LPP: variants seen among roughly 807,000 people sequenced by gnomAD.
LPP encodes the protein LIM domain containing preferred translocation partner in lipoma.
A neutral mutation model predicts 60.4 loss-of-function variants in LPP; 38 were observed. That is an observed-to-expected ratio of 0.63 (90% confidence interval 0.49 to 0.83). The LOEUF is 0.83. Among genes scored for constraint, LPP ranks in the 40% least tolerant of loss-of-function variants. The probability of loss-of-function intolerance (pLI) is 0.00; values close to 1 mark genes in which losing one functional copy is unlikely to be tolerated. For synonymous variants in LPP, 328 were observed against 290.8 expected, an observed-to-expected ratio of 1.13 and a Z score of -1.30; for missense variants, 902 against 783.6, an observed-to-expected ratio of 1.15 and a Z score of -1.80.
At position 188,884,998 on chromosome 3, in the gene LPP, G is replaced by A; in HGVS notation, c.*10519G>A. On this transcript the variant is annotated 3_prime_UTR_variant, in exon 12 of 12. Coordinates refer to ENST00000617246, the MANE Select transcript of LPP (RefSeq NM_001375462.1). ...ATAATTACAAGGAATTTGGTACCATGTTGTTTTCAAAAAACCTCCTAGAAA... is the reference window on the plus strand; with the variant it reads ...ATAATTACAAGGAATTTGGTACCATATTGTTTTCAAAAAACCTCCTAGAAA... 1 of 213,610 alleles carries A rather than the reference G, an allele frequency of 4.7e-6. No homozygotes were observed. Among genetic ancestry groups the A allele is most frequent in the Non-Finnish European group, 9.5e-6 (1 of 105,536 alleles). The allele number at this position is 213,610 out of a possible 1,614,324, so 13.2% of individuals were successfully genotyped here.
Position 188,854,403 on chromosome 3 carries a change from C to T in LPP, c.1411-11797C>T, listed in dbSNP as rs1042705793. Among the ~76,000 whole-genome samples, 5 of 152,312 alleles carry T rather than the reference C, an allele frequency of 3.3e-5. No individual in the cohort carries two copies. The South Asian group carries it at 8.3e-4, about 25-fold the overall frequency. ...TGAGGTTTAATTCTCATGAATGGGT[C>T]CTAGAGCCGACATTTGACATACACA... On this transcript the variant is annotated intron_variant, in intron 9 of 11. Transcript: ENST00000617246.
At chr3:188,472,573 A>G (rs2149535010) in intron 4 of LPP, 1 of 152,306 alleles carries the variant, frequency 6.6e-6, no homozygotes, top group Admixed American at 6.5e-5. Context: ...CTCAGTGAGA[A>G]GAATTTGAAG....
chr3:188,304,965 A>G (rs1434035117), intron 2 of LPP, among the ~76,000 whole-genome samples: 1 of 152,210 alleles, frequency 6.6e-6, no homozygotes, highest in Non-Finnish European at 1.5e-5. Context: ...AAATATTTTA[A>G]TTGACCACTT....
At position 188,812,870 on chromosome 3, in the gene LPP, C is replaced by T. The variant is rs779432677; in HGVS notation, c.1410+52588C>T. 9.6e-4 allele frequency among the ~76,000 whole-genome samples: 146 copies of T among 151,646 alleles called. 2 individuals are homozygous for T. The Middle Eastern group carries it at 0.017, about 18-fold the overall frequency. On this transcript the variant is annotated intron_variant, in intron 9 of 11. Transcript: ENST00000617246. ...CTCCAAACATCTAACATTCTGGGTACGGGTTTGATTTGGGGAAAAAATTAC... is the reference window on the plus strand; with the variant it reads ...CTCCAAACATCTAACATTCTGGGTATGGGTTTGATTTGGGGAAAAAATTAC...
chr3:188,382,504 C>T (rs76892667), intron 3 of LPP, among the ~76,000 whole-genome samples: 6,967 of 152,252 alleles, frequency 0.046, 529 homozygotes, highest in African/African-American at 0.16. Flanking sequence ...TGTGATGGCT[C>T]TTTAAAAAGA....
rs180796294 is a variant in LPP at position 188,658,440 on chromosome 3, G to A, written c.1113+48596G>A. Among the ~76,000 whole-genome samples the A allele has an allele frequency of 1.3e-4, 20 of 152,026 alleles. No individual in the cohort carries two copies. In the East Asian group the frequency reaches 3.3e-3, roughly 25 times the overall value. ...TATTTTTTAAATTAAACTAATACAT[G>A]CAACTGGCTTAACAAACTAATAGGA... On this transcript the variant is annotated intron_variant, in intron 7 of 11. Coordinates refer to ENST00000617246, the MANE Select transcript of LPP (RefSeq NM_001375462.1).
rs779293344 is a variant in LPP at position 188,352,232 on chromosome 3, A to G, written c.-10+10513A>G. 6.6e-6 allele frequency among the ~76,000 whole-genome samples: 1 copy of G among 152,170 alleles called. No homozygotes were observed. The highest frequency in any genetic ancestry group is 1.5e-5 in the Non-Finnish European group (1 of 68,044). ...AAATACACAATAAAAATAGCTTATG[A>G]TCTATGGGACTTGGTATTAAGCAAG... On this transcript the variant is annotated intron_variant, in intron 3 of 11. Transcript: ENST00000617246. This position sits in a 1 kb window ranked among gnomAD's most constrained non-coding sequence, Gnocchi z 4.4.
intron 3 of LPP, among the ~76,000 whole-genome samples, chr3:188,378,748 GA>G (rs899790076): frequency 1.3e-5 from 2 of 152,168 alleles, no homozygotes; most frequent in African/African-American, 4.8e-5. Context: ...ACTCCCCAGT[GA>G]GATGAACCCG....
chr3:188,760,345 C>A, intron 9 of LPP, 63 bp downstream of exon 9: 2 of 1,539,976 alleles, frequency 1.3e-6, no homozygotes, highest in South Asian at 1.1e-5. Flanking sequence ...GAATGCCAGT[C>A]ACTCTAGATA....
chr3:188,407,797 T>TTTTTTTTTTG (rs1784000498), intron 4 of LPP, among the ~76,000 whole-genome samples: 1 of 132,936 alleles, frequency 7.5e-6, no homozygotes, highest in African/African-American at 2.7e-5. Flanking sequence ...TGTTTTTTTT[T>TTTTTTTTTTG]TTTTTTTTTT....
chr3:188,177,209 G>A (rs1258109768), intron 1 of LPP, among the ~76,000 whole-genome samples: 1 of 152,220 alleles, frequency 6.6e-6, no homozygotes, highest in Non-Finnish European at 1.5e-5. Flanking sequence ...AGCCCAGCGA[G>A]GGGATCGCCT....
intron 2 of LPP, among the ~76,000 whole-genome samples, chr3:188,234,105 T>A (rs551519833): frequency 6.6e-6 from 1 of 152,274 alleles, no homozygotes; most frequent in African/African-American, 2.4e-5. Context: ...TAGAAACCCG[T>A]TATCTGTACT....
At chr3:188,288,832 C>A (rs6774458) in intron 2 of LPP, among the ~76,000 whole-genome samples, 1 of 30,146 alleles carries the variant, frequency 3.3e-5, no homozygotes, top group African/African-American at 1.3e-4. Flanking sequence ...CCCACCCCCA[C>A]CCCCCCGCCC....
intron 8 of LPP, among the ~76,000 whole-genome samples, chr3:188,727,597 C>G (rs2889906): frequency 0.43 from 65,386 of 152,004 alleles, 14,861 homozygotes; most frequent in East Asian, 0.72. Flanking sequence ...AAATAGAACC[C>G]TAACCTTGAA....
intron 1 of LPP, among the ~76,000 whole-genome samples, chr3:188,192,745 G>T (rs1728513252): frequency 6.6e-6 from 1 of 152,170 alleles, no homozygotes; most frequent in South Asian, 2.1e-4. Context: ...CTGGGAATTT[G>T]CAGTGAGTGA....
chr3:188,760,435 T>TGTGTGTGTGTGTGTGTGTGC (rs777127864), intron 9 of LPP, among the ~76,000 whole-genome samples, 153 bp downstream of exon 9: 63 of 151,194 alleles, frequency 4.2e-4, no homozygotes, highest in African/African-American at 1.1e-3. Context: ...TGTGTGTGTG[T>TGTGTGTGTGTGTGTGTGTGC]GCGTGCGCGC....
chr3:188,370,652 C>A (rs1772773905), intron 3 of LPP, among the ~76,000 whole-genome samples: 1 of 152,126 alleles, frequency 6.6e-6, no homozygotes, highest in Non-Finnish European at 1.5e-5. Context: ...ATCCTTTGAG[C>A]CTCTCAAGGA....
chr3:188,788,797 C>T (rs561459247), intron 9 of LPP, among the ~76,000 whole-genome samples: 144 of 152,316 alleles, frequency 9.5e-4, no homozygotes, highest in African/African-American at 3.3e-3. Context: ...GCCCCCCCGG[C>T]TCTAAACCTT....
rs532774515 is a variant in LPP at position 188,651,609 on chromosome 3, G to C, written c.1113+41765G>C. ...ACTTATGGTTCCACATGGCTGGGGA[G>C]GTCTCACAGTCATGGCAGAAGGTGA... On this transcript the variant is annotated intron_variant, in intron 7 of 11. Transcript: ENST00000617246. Among the ~76,000 whole-genome samples, 14 of 152,308 alleles carry C rather than the reference G, an allele frequency of 9.2e-5. No homozygotes were observed. In the East Asian group the frequency reaches 2.5e-3, roughly 27 times the overall value.
Sources: allele counts gnomAD v4.1 joint callset (sites outside exome capture counted in the v4.1 genomes callset), GRCh38; gene constraint gnomAD v4.1.1; non-coding constraint Gnocchi (gnomAD v3.1); transcripts MANE v1.5; gene names NCBI Gene and HGNC (gene_info 2026-07-23, HGNC 2026-07-21).